ZNF407: variants seen among roughly 807,000 people sequenced by gnomAD.
ZNF407 encodes zinc finger protein 407.
A neutral mutation model predicts 131.2 loss-of-function variants in ZNF407; 17 were observed. The ratio of observed to expected loss-of-function variants is 0.13; its 90% CI spans 0.09 to 0.19. ZNF407 has a LOEUF of 0.19. Ranked by LOEUF, ZNF407 falls within the 10% of genes least tolerant of loss-of-function variation. The pLI is 1.00. For missense variants in ZNF407, 2,681 were observed against 2,830.6 expected (o/e 0.95, Z 1.20); for synonymous variants, 1,156 against 1,062.0 (o/e 1.09, Z -1.72).
At chr18:74,968,269 A>AT (rs1972431548) in intron 8 of ZNF407, among the ~76,000 whole-genome samples, 1 of 152,202 alleles carries the variant, frequency 6.6e-6, no homozygotes, top group African/African-American at 2.4e-5. Context: ...ACTTCCATTT[A>AT]GGGACCTTAA....
chr18:74,670,628 T>A (rs946727325), intron 3 of ZNF407, among the ~76,000 whole-genome samples: 12 of 152,262 alleles, frequency 7.9e-5, no homozygotes, highest in Non-Finnish European at 1.3e-4. Context: ...AGAGGGTTTT[T>A]AAATATATTT....
chr18:74,931,869 A>G (rs911325471), intron 8 of ZNF407, among the ~76,000 whole-genome samples: 1 of 151,890 alleles, frequency 6.6e-6, no homozygotes, highest in Non-Finnish European at 1.5e-5. Context: ...GAAATACAAT[A>G]TTTTTCCCCT....
intron 8 of ZNF407, among the ~76,000 whole-genome samples, chr18:74,935,272 C>T (rs1179513897): frequency 6.6e-6 from 1 of 152,142 alleles, no homozygotes; most frequent in Non-Finnish European, 1.5e-5. Flanking sequence ...AAACTCATAA[C>T]TCTTCTCATT....
intron 4 of ZNF407, among the ~76,000 whole-genome samples, chr18:74,793,065 C>T (rs886894837): frequency 6.6e-6 from 1 of 152,142 alleles, no homozygotes; most frequent in Non-Finnish European, 1.5e-5. Context: ...TTGAGTTGGG[C>T]GTGTTCAGAG....
At position 74,962,640 on chromosome 18, in the gene ZNF407, C is replaced by T. The variant is rs143649476; in HGVS notation, c.5428+41948C>T. ...ATGCCATGCCCAGTCCTCCATGTCT[C>T]GTCTCCTAAGGCCTTGGCCTTTGCA... On this transcript the variant is annotated intron_variant, in intron 8 of 8. Transcript: ENST00000299687. Among the ~76,000 whole-genome samples, 6 of 152,342 alleles carry T rather than the reference C, an allele frequency of 3.9e-5. No homozygotes were observed. In the East Asian group the frequency reaches 1.2e-3, roughly 29 times the overall value.
intron 8 of ZNF407, among the ~76,000 whole-genome samples, chr18:74,937,960 A>C (rs1047490384): frequency 2.6e-5 from 4 of 152,202 alleles, no homozygotes; most frequent in African/African-American, 9.7e-5. Context: ...TGTCTTCCAC[A>C]ATACCCATGG....
intron 8 of ZNF407, among the ~76,000 whole-genome samples, chr18:74,991,680 G>A (rs1401752797): frequency 1.3e-5 from 2 of 152,096 alleles, no homozygotes; most frequent in Non-Finnish European, 2.9e-5. Flanking sequence ...AATAGGTTGA[G>A]TTCTATGTTC....
chr18:74,730,538 C>A (rs1296873927), intron 3 of ZNF407, among the ~76,000 whole-genome samples: 1 of 152,146 alleles, frequency 6.6e-6, no homozygotes, highest in African/African-American at 2.4e-5. Context: ...TCATTCTCTT[C>A]ATTTATGGTT....
chr18:74,874,378 A>T lies in ZNF407; in HGVS notation c.4878-2819A>T, dbSNP rs140002143. The stretch of plus-strand genomic sequence containing the variant: ...TATACTGTAAATTCAGTTATGCAAG[A>T]AATCTCTCAGGAAAGTCCACCATGT... On this transcript the variant is annotated intron_variant, in intron 4 of 8. Transcript: ENST00000299687. Among the ~76,000 whole-genome samples the T allele has an allele frequency of 8.3e-4, 127 of 152,362 alleles. 2 individuals carry two copies. The highest frequency in any genetic ancestry group is 5.0e-3 in the Admixed American group (76 of 15,306).
chr18:74,917,969 A>C (rs559517107), intron 7 of ZNF407, among the ~76,000 whole-genome samples: 10 of 152,296 alleles, frequency 6.6e-5, no homozygotes, highest in Non-Finnish European at 1.5e-4. Flanking sequence ...GGTGTCTGTA[A>C]TGCTGTAGAA....
intron 4 of ZNF407, among the ~76,000 whole-genome samples, chr18:74,837,549 G>A (rs1411526531): frequency 2.6e-5 from 4 of 151,864 alleles, no homozygotes; most frequent in Non-Finnish European, 5.9e-5. Context: ...AGTAACATGC[G>A]CTCATTGAAC....
At chr18:74,943,040 C>T (rs906969860) in intron 8 of ZNF407, among the ~76,000 whole-genome samples, 1 of 151,956 alleles carries the variant, frequency 6.6e-6, no homozygotes, top group African/African-American at 2.4e-5. Context: ...TTCAGCCTTC[C>T]AGGTAACTGG....
intron 8 of ZNF407, among the ~76,000 whole-genome samples, chr18:74,948,784 TA>T (rs1972182339): frequency 6.6e-6 from 1 of 152,242 alleles, no homozygotes; most frequent in Non-Finnish European, 1.5e-5. Context: ...TACAGATAAC[TA>T]ATTAGAAATT....
At chr18:74,625,334 ATGTGTGTGTG>A (rs72386590) in intron 1 of ZNF407, among the ~76,000 whole-genome samples, 2 of 148,920 alleles carry the variant, frequency 1.3e-5, no homozygotes, top group African/African-American at 2.5e-5. Context: ...CTCTAAGCAA[ATGTGTGTGTG>A]TGTGTGTGTG....
chr18:74,663,138 T>G (rs1286558519), intron 3 of ZNF407, among the ~76,000 whole-genome samples: 1 of 152,154 alleles, frequency 6.6e-6, no homozygotes, highest in African/African-American at 2.4e-5. Context: ...TTTTTTTAAG[T>G]AAAAACAGTC....
intron 8 of ZNF407, among the ~76,000 whole-genome samples, chr18:74,953,012 G>A (rs544098429): frequency 8.5e-5 from 13 of 152,274 alleles, no homozygotes; most frequent in African/African-American, 3.1e-4. Context: ...GACCACACAG[G>A]GCATGTAGAG....
intron 4 of ZNF407, among the ~76,000 whole-genome samples, chr18:74,844,499 G>A (rs1330891682): frequency 6.6e-6 from 1 of 152,082 alleles, no homozygotes; most frequent in Non-Finnish European, 1.5e-5. Context: ...ATATGCATCT[G>A]TATTATTGAT....
chr18:74,938,170 T>TAAA (rs1972059013), intron 8 of ZNF407, among the ~76,000 whole-genome samples: 1 of 152,228 alleles, frequency 6.6e-6, no homozygotes, highest in Non-Finnish European at 1.5e-5. Context: ...ACCTTATTTA[T>TAAA]GACCTTCTTT....
At chr18:74,773,932 G>T (rs547866689) in intron 3 of ZNF407, among the ~76,000 whole-genome samples, 6 of 152,334 alleles carry the variant, frequency 3.9e-5, no homozygotes, top group East Asian at 1.9e-4. Flanking sequence ...CCTACTATAA[G>T]AAACCAGGAC....
Sources: allele counts gnomAD v4.1 joint callset (sites outside exome capture counted in the v4.1 genomes callset), GRCh38; gene constraint gnomAD v4.1.1; transcripts MANE v1.5; gene names NCBI Gene and HGNC (gene_info 2026-07-23, HGNC 2026-07-21).